FAM234A: variants seen among roughly 807,000 people sequenced by gnomAD.
The protein encoded by FAM234A is protein FAM234A.
Under a neutral mutation model 49.1 loss-of-function variants are expected in FAM234A, and 42 were observed. That is an observed-to-expected ratio of 0.86 (90% CI 0.67 to 1.11). The LOEUF (loss-of-function observed/expected upper bound fraction) is 1.11. FAM234A is among the 50% of genes least tolerant of loss of function. The pLI is 0.00. For missense variants in FAM234A, 815 were observed against 745.2 expected, an observed-to-expected ratio of 1.09 and a Z score of -1.09; for synonymous variants, 369 against 316.2, an observed-to-expected ratio of 1.17 and a Z score of -1.77.
At chr16:261,886 G>C (rs751294758) in intron 6 of FAM234A, among the ~76,000 whole-genome samples, 1 of 152,194 alleles carries the variant, frequency 6.6e-6, no homozygotes, top group Non-Finnish European at 1.5e-5. Context: ...ATGTCAGCGT[G>C]TCTTTCCTCA....
intron 5 of FAM234A, 136 bp downstream of exon 5, chr16:260,296 T>C: frequency 1.2e-6 from 1 of 816,322 alleles, no homozygotes. Context: ...AGGAAGGTTA[T>C]GGGGAGAACC....
chr16:268,205 C>T, downstream of FAM234A: 2 of 189,006 alleles, frequency 1.1e-5, no homozygotes, highest in Admixed American at 1.1e-4. Flanking sequence ...GCTATACATA[C>T]ACACCACACG....
intron 2 of FAM234A, among the ~76,000 whole-genome samples, chr16:251,112 A>G (rs1032442063): frequency 2.6e-5 from 4 of 152,124 alleles, no homozygotes; most frequent in Admixed American, 2.0e-4. Context: ...GCCTGCCACC[A>G]TGCCCATCTA....
downstream of FAM234A, chr16:269,915 G>A (rs552987966): frequency 5.4e-5 from 14 of 261,456 alleles, 1 homozygote; most frequent in East Asian, 3.3e-4. Context: ...GGGTTGTGGA[G>A]TCAAATAAAA....
Position 264,734 on chromosome 16 carries a change from C to T in FAM234A, c.1447+18C>T. The T allele has an allele frequency of 6.2e-7, 1 of 1,609,426 alleles. No individual in the cohort carries two copies. The highest frequency in any genetic ancestry group is 8.5e-7 in the Non-Finnish European group (1 of 1,178,866). On this transcript the variant is annotated intron_variant, in intron 12 of 12. Transcript: ENST00000399932. Reference sequence around the variant, plus strand: ...CTTTGACGGTGAGTGTGGCCTCGGCCAGGGACCCGGGTGTTCCGCGGGGTC... The same window carrying T: ...CTTTGACGGTGAGTGTGGCCTCGGCTAGGGACCCGGGTGTTCCGCGGGGTC...
At chr16:269,278 C>T (rs1485692881), downstream of FAM234A, 2 of 1,569,022 alleles carry the variant, frequency 1.3e-6, no homozygotes, top group African/African-American at 2.7e-5. Context: ...ACTAGGCCAC[C>T]CCATCTCCAC....
chr16:257,155 C>CGGTGTGA (rs1381008527), intron 3 of FAM234A, among the ~76,000 whole-genome samples: 1 of 151,414 alleles, frequency 6.6e-6, no homozygotes, highest in Non-Finnish European at 1.5e-5. Context: ...CTAGGACTAC[C>CGGTGTGA]GGTGTGAACC....
rs998367759 is a variant in FAM234A, at chr16:265,218, C to CCT, written c.*202_*203dup. 7.1e-7 allele frequency: 1 copy of CCT among 1,400,760 alleles called. No homozygotes were observed. The highest frequency in any genetic ancestry group is 1.4e-5 in the African/African-American group (1 of 69,026). 86.8% of individuals were successfully genotyped at this position (1,400,760 alleles called of 1,614,324 possible). On this transcript the variant is annotated 3_prime_UTR_variant, in exon 13 of 13. Coordinates refer to ENST00000399932, the MANE Select transcript of FAM234A (RefSeq NM_032039.4). ...TGCATGGGTGAGGGGACACCCTGGG[C>CCT]CTCTCTCCCGCCCAGCATCCTCCCT...
chr16:258,707 C>T (rs1167742947), intron 3 of FAM234A, among the ~76,000 whole-genome samples: 2 of 152,202 alleles, frequency 1.3e-5, no homozygotes, highest in Non-Finnish European at 2.9e-5. Context: ...GGCAGAGGGG[C>T]TCCTCACTTC....
intron 1 of FAM234A, among the ~76,000 whole-genome samples, chr16:245,944 C>T (rs2050787297): frequency 2.6e-5 from 4 of 152,068 alleles, no homozygotes; most frequent in Non-Finnish European, 5.9e-5. Flanking sequence ...CAGTGGCTCA[C>T]GCCTGTAATC....
chr16:268,687 G>A (rs2051781544), downstream of FAM234A: 36 of 1,381,452 alleles, frequency 2.6e-5, 1 homozygote, highest in South Asian at 2.3e-4. Context: ...ATTCTGGAAC[G>A]CGTTTGGCGA....
intron 2 of FAM234A, 59 bp downstream of exon 2, chr16:249,713 TGGC>T (rs1356877664): frequency 6.6e-6 from 1 of 152,148 alleles, no homozygotes; most frequent in Non-Finnish European, 1.5e-5. Context: ...TTCCTGGTGG[TGGC>T]GGTTGATGCC....
Position 246,727 on chromosome 16 carries a change from T to G in FAM234A, c.-139-2822T>G, listed in dbSNP as rs556462306. ...AGCCACCATGCCCAGCCAGCTGGTG[T>G]TTTTTTTTTTTCGATCGATTGGTGT... is the stretch of plus-strand genomic sequence containing the variant. On this transcript the variant is annotated intron_variant, in intron 1 of 12. Transcript: ENST00000399932. Among the ~76,000 whole-genome samples, 227 of 126,514 alleles carry G rather than the reference T, an allele frequency of 1.8e-3. 2 individuals carry two copies. Among genetic ancestry groups the G allele is most frequent in the Middle Eastern group, 9.2e-3 (2 of 218 alleles). 83.0% of individuals were successfully genotyped at this position (126,514 alleles called of 152,430 possible).
At chr16:257,662 T>C (rs2051289740) in intron 3 of FAM234A, among the ~76,000 whole-genome samples, 1 of 152,000 alleles carries the variant, frequency 6.6e-6, no homozygotes, top group South Asian at 2.1e-4. Flanking sequence ...CTTTGATTCA[T>C]TTTGAGTTCA....
chr16:236,243 A>G (rs191852210), intron 1 of FAM234A, among the ~76,000 whole-genome samples: 2,117 of 149,952 alleles, frequency 0.014, 38 homozygotes, highest in South Asian at 0.093. Context: ...GGTGTGAGCC[A>G]CCGCAACTGG....
intron 2 of FAM234A, 189 bp from the exon 3 acceptor site, chr16:254,192 G>T: frequency 1.7e-6 from 1 of 595,136 alleles, no homozygotes; most frequent in South Asian, 2.0e-5. Flanking sequence ...ACTAATTAGA[G>T]ACCTTCTTAA....
downstream of FAM234A, chr16:268,622 G>T (rs1398405208): frequency 5.8e-6 from 4 of 692,188 alleles, no homozygotes; most frequent in Non-Finnish European, 9.8e-6. Flanking sequence ...TATAAATCGG[G>T]GGGGAGGCCG....
chr16:264,891 T>G lies in FAM234A; in HGVS notation c.1528T>G (p.Ser510Ala). Reference protein sequence around the residue: ...PADSEAPGLVSVIKHKVRDLV... With the variant: ...PADSEAPGLVAVIKHKVRDLV... ...AGACTCAGAGGCACCCGGCCTGGTC[T>G]CTGTGATCAAGCACAAGGTGCGGGA... is the stretch of plus-strand genomic sequence containing the variant. Residue 510 changes from serine to alanine, a missense_variant, in exon 13 of 13, where the codon TCT becomes GCT. Physicochemically the swap from Ser to Ala is moderately conservative, Grantham distance 99 (BLOSUM62 1). Coordinates refer to ENST00000399932, the MANE Select transcript of FAM234A (RefSeq NM_032039.4). 1.9e-6 allele frequency: 3 copies of G among 1,612,984 alleles called. No homozygotes were observed. The highest frequency in any genetic ancestry group is 2.5e-6 in the Non-Finnish European group (3 of 1,179,970).
intron 9 of FAM234A, 90 bp downstream of exon 9, chr16:263,492 G>T: frequency 6.5e-7 from 1 of 1,543,664 alleles, no homozygotes; most frequent in Non-Finnish European, 8.7e-7. Flanking sequence ...GACAGCGCTG[G>T]GGGTGGGGCC....
Sources: allele counts gnomAD v4.1 joint callset (sites outside exome capture counted in the v4.1 genomes callset), GRCh38; gene constraint gnomAD v4.1.1; transcripts MANE v1.5; gene names NCBI Gene and HGNC (gene_info 2026-07-23, HGNC 2026-07-21).